MAF: variants seen among roughly 807,000 people sequenced by gnomAD.
MAF encodes the protein MAF bZIP transcription factor.
A neutral mutation model predicts 22.0 loss-of-function variants in MAF; 10 were observed. The observed-to-expected ratio is 0.45, with a 90% CI of 0.28 to 0.77. MAF has a LOEUF of 0.77. MAF is among the 30% of genes least tolerant of loss of function. The pLI is 0.12. For missense variants in MAF, 544 were observed against 548.4 expected (o/e 0.99, Z 0.08); for synonymous variants, 337 against 255.8 (o/e 1.32, Z -3.03).
chr16:79,521,546 C>T, the MAF span, among the ~76,000 whole-genome samples: 7 of 152,300 alleles, frequency 4.6e-5, no homozygotes, highest in African/African-American at 1.7e-4. Flanking sequence ...CCAGCAGTTT[C>T]CCCATCTCCC....
the MAF span, among the ~76,000 whole-genome samples, chr16:79,554,058 C>T: frequency 6.6e-6 from 1 of 152,098 alleles, no homozygotes; most frequent in African/African-American, 2.4e-5. Flanking sequence ...CACTGGACTC[C>T]ATGCTGGGTG....
chr16:79,594,723 C>A (rs75723118), intron 1 of MAF, 170 bp from the exon 2 acceptor site: 6 of 1,339,222 alleles, frequency 4.5e-6, no homozygotes, highest in Non-Finnish European at 5.9e-6. Flanking sequence ...AAAAAAAAAA[C>A]ATGTATTTGT....
chr16:79,463,331 C>A, the MAF span, among the ~76,000 whole-genome samples: 1 of 152,200 alleles, frequency 6.6e-6, no homozygotes, highest in Non-Finnish European at 1.5e-5. Flanking sequence ...ACCTGATTTA[C>A]ATTTTAATAA....
At chr16:79,207,604 T>C in the MAF span, among the ~76,000 whole-genome samples, 8 of 152,346 alleles carry the variant, frequency 5.3e-5, no homozygotes, top group South Asian at 4.1e-4. Context: ...TGCCATGATA[T>C]TGTGTCTATT....
chr16:79,234,143 G>GC, the MAF span, among the ~76,000 whole-genome samples: 1 of 152,004 alleles, frequency 6.6e-6, no homozygotes, highest in Non-Finnish European at 1.5e-5. Flanking sequence ...GGTGCCAGTG[G>GC]CCCTTTTCAC....
At chr16:79,397,747 C>G in the MAF span, among the ~76,000 whole-genome samples, 1 of 152,086 alleles carries the variant, frequency 6.6e-6, no homozygotes. Flanking sequence ...TCCTTGGGGC[C>G]AGGCTGGCTC....
the MAF span, among the ~76,000 whole-genome samples, chr16:79,368,549 A>G: frequency 6.6e-6 from 1 of 152,110 alleles, no homozygotes; most frequent in Admixed American, 6.5e-5. Flanking sequence ...ACTGTGCATA[A>G]TGTTACTGAA....
At chr16:79,428,915 C>G in the MAF span, among the ~76,000 whole-genome samples, 1 of 151,822 alleles carries the variant, frequency 6.6e-6, no homozygotes, top group Non-Finnish European at 1.5e-5. Flanking sequence ...TTACCAGAGG[C>G]CAATGGCATA....
chr16:79,345,597 G>A, the MAF span, among the ~76,000 whole-genome samples: 2 of 151,632 alleles, frequency 1.3e-5, no homozygotes, highest in Non-Finnish European at 2.9e-5. Flanking sequence ...GCATGGTGGT[G>A]GGCACCTGTA....
the MAF span, among the ~76,000 whole-genome samples, chr16:79,346,561 G>C: frequency 6.6e-6 from 1 of 152,178 alleles, no homozygotes; most frequent in African/African-American, 2.4e-5. Context: ...CAAGGCATTA[G>C]TCTTCAACCT....
At chr16:79,568,936 G>C in the MAF span, among the ~76,000 whole-genome samples, 2 of 152,316 alleles carry the variant, frequency 1.3e-5, no homozygotes, top group East Asian at 1.9e-4. Flanking sequence ...CCATTTTACA[G>C]ATGAGAAGAA....
the MAF span, among the ~76,000 whole-genome samples, chr16:79,345,166 G>A: frequency 1.3e-5 from 2 of 151,236 alleles, no homozygotes; most frequent in Non-Finnish European, 2.9e-5. Context: ...CTAACCTGCT[G>A]AATGATTTGT....
At chr16:79,446,974 A>T in the MAF span, among the ~76,000 whole-genome samples, 1 of 152,176 alleles carries the variant, frequency 6.6e-6, no homozygotes, top group Non-Finnish European at 1.5e-5. Context: ...AGAAATCAAC[A>T]TTGGTTTCAC....
At chr16:79,413,291 G>A in the MAF span, among the ~76,000 whole-genome samples, 1 of 125,634 alleles carries the variant, frequency 8.0e-6, no homozygotes, top group Non-Finnish European at 1.6e-5. Flanking sequence ...CACCCAGGCT[G>A]GAGTACAGTG....
the MAF span, among the ~76,000 whole-genome samples, chr16:79,342,712 A>G: frequency 6.6e-6 from 1 of 152,320 alleles, no homozygotes; most frequent in South Asian, 2.1e-4. Flanking sequence ...GATACAATAC[A>G]AAACATCTTA....
chr16:79,568,692 C>T, the MAF span, among the ~76,000 whole-genome samples: 1 of 152,152 alleles, frequency 6.6e-6, no homozygotes, highest in African/African-American at 2.4e-5. Flanking sequence ...GTCCTTGCCA[C>T]CTGAAAACTA....
At chr16:79,238,812 C>T in the MAF span, among the ~76,000 whole-genome samples, 1 of 151,956 alleles carries the variant, frequency 6.6e-6, no homozygotes, top group African/African-American at 2.4e-5. Context: ...CCTAGGCAGG[C>T]AGGATCTCTT....
the MAF span, among the ~76,000 whole-genome samples, chr16:79,366,817 G>T: frequency 6.6e-6 from 1 of 152,326 alleles, no homozygotes; most frequent in Non-Finnish European, 1.5e-5. Flanking sequence ...AAGCCCTTGA[G>T]ATTGGGGCAT....
chr16:79,314,592 G>C, the MAF span, among the ~76,000 whole-genome samples: 2 of 152,202 alleles, frequency 1.3e-5, no homozygotes, highest in Non-Finnish European at 2.9e-5. Context: ...TCCCAGTCAA[G>C]TGAGCACCAG....
Sources: gnomAD v4.1 joint callset for allele counts (sites outside exome capture counted in the v4.1 genomes callset) on GRCh38, gnomAD v4.1.1 for gene constraint, MANE v1.5 for transcripts, NCBI Gene and HGNC (gene_info 2026-07-23, HGNC 2026-07-21) for gene names.